Variants in ANKRD36B observed in about 807,000 individuals in gnomAD.
ANKRD36B encodes ankyrin repeat domain-containing protein 36B.
Under a neutral mutation model 135.7 loss-of-function variants are expected in ANKRD36B, and 37 were observed. That is an observed-to-expected ratio of 0.27 (90% CI 0.21 to 0.36). The LOEUF (loss-of-function observed/expected upper bound fraction) is 0.36, where lower values mean the gene tolerates loss of function less well. Ranked by LOEUF, ANKRD36B falls within the 10% of genes least tolerant of loss-of-function variation. The pLI is 1.00. For synonymous variants in ANKRD36B, 179 were observed against 348.1 expected, an observed-to-expected ratio of 0.51 and a Z score of 5.41; for missense variants, 549 against 1,037.1, an observed-to-expected ratio of 0.53 and a Z score of 6.46.
intron 26 of ANKRD36B, among the ~76,000 whole-genome samples, chr2:97,542,891 T>TTCATTGAAA (rs2079213200): frequency 7.4e-6 from 1 of 135,930 alleles, no homozygotes; most frequent in Non-Finnish European, 1.7e-5. Context: ...ATCACTCCAA[T>TTCATTGAAA]ATTCATTGAA....
chr2:97,528,532 A>G (rs2104427471), intron 35 of ANKRD36B, among the ~76,000 whole-genome samples: 1 of 92,400 alleles, frequency 1.1e-5, no homozygotes, highest in Admixed American at 9.6e-5. Flanking sequence ...AAGCTAGCAG[A>G]AGGCAAGAAA....
In ANKRD36B at chr2:97,574,344, A is replaced by T. The variant is rs1240310570; in HGVS notation, c.763+2035T>A. ...CAAATCAAAACCACAGTGAGATACCATCTCACACCAGTTAGAATGGCAATC... is the reference window on the plus strand; with the variant it reads ...CAAATCAAAACCACAGTGAGATACCTTCTCACACCAGTTAGAATGGCAATC... On this transcript the variant is annotated intron_variant, in intron 6 of 43. Transcript: ENST00000359901. Among the ~76,000 whole-genome samples the T allele has an allele frequency of 2.0e-5, 3 of 152,210 alleles. No homozygotes were observed. The East Asian group carries it at 5.8e-4, about 29-fold the overall frequency.
In ANKRD36B at chr2:97,574,433, T is replaced by C. The variant is rs1041625202; in HGVS notation, c.763+1946A>G. ...TGGAGAAATAGGAACACTTTTACAC[T>C]GTTGGTGGGACTGTAAACTAGTTCA... is the stretch of plus-strand genomic sequence containing the variant. On this transcript the variant is annotated intron_variant, in intron 6 of 43. Transcript: ENST00000359901. 3.5e-4 allele frequency among the ~76,000 whole-genome samples: 54 copies of C among 152,302 alleles called. No individual in the cohort carries two copies. The Middle Eastern group carries it at 0.014, about 38-fold the overall frequency.
chr2:97,582,632 C>T (rs75487001), intron 3 of ANKRD36B, among the ~76,000 whole-genome samples: 1,627 of 152,272 alleles, frequency 0.011, 37 homozygotes, highest in African/African-American at 0.036. Flanking sequence ...AATTTGTAGA[C>T]GCAAACTAAA....
At chr2:97,554,932 T>G in intron 14 of ANKRD36B, 128 bp downstream of exon 14, 1 of 1,237,142 alleles carries the variant, frequency 8.1e-7, no homozygotes. Flanking sequence ...TTATTACAGA[T>G]GAAGAATCTC....
chr2:97,524,734 T>C (rs1331573976), intron 35 of ANKRD36B: 2 of 97,326 alleles, frequency 2.1e-5, no homozygotes, highest in Non-Finnish European at 5.5e-5. Flanking sequence ...AGTTTTGTAA[T>C]TTTCACAAAT....
At chr2:97,547,677 C>G (rs756257338) in intron 21 of ANKRD36B, 26 bp downstream of exon 21, 6 of 1,556,074 alleles carry the variant, frequency 3.9e-6, no homozygotes, top group Non-Finnish European at 5.2e-6. Flanking sequence ...TTTACTAGTT[C>G]ACAATATAAA....
At chr2:97,569,333 C>G (rs2081661319) in intron 6 of ANKRD36B, among the ~76,000 whole-genome samples, 1 of 152,084 alleles carries the variant, frequency 6.6e-6, no homozygotes, top group South Asian at 2.1e-4. Context: ...AAGATATCCA[C>G]TATGTTATCC....
At chr2:97,588,013 CTT>C (rs565160943) in intron 1 of ANKRD36B, among the ~76,000 whole-genome samples, 1 of 150,694 alleles carries the variant, frequency 6.6e-6, no homozygotes, top group Non-Finnish European at 1.5e-5. Flanking sequence ...CACATATTGT[CTT>C]TTGTTAATTT....
At chr2:97,528,321 T>C (rs2078339868) in intron 35 of ANKRD36B, among the ~76,000 whole-genome samples, 1 of 93,050 alleles carries the variant, frequency 1.1e-5, no homozygotes, top group South Asian at 2.5e-4. Flanking sequence ...CATAACGAAA[T>C]GAAGGCAGAA....
chr2:97,547,335 G>A lies in ANKRD36B; in HGVS notation c.1579+201C>T, dbSNP rs866845560. On this transcript the variant is annotated intron_variant, in intron 22 of 43. Coordinates refer to ENST00000359901, the MANE Select transcript of ANKRD36B (RefSeq NM_001393939.1). ...TTTCTTCTTCCCAATTTCAATGTGG[G>A]GAAGTGTATAACCTTACTGCGAAGA... is the stretch of plus-strand genomic sequence containing the variant. The A allele has an allele frequency of 2.1e-4, 125 of 589,328 alleles. No homozygotes were observed. In the African/African-American group the frequency reaches 2.2e-3, roughly 11 times the overall value. The allele number at this position is 589,328 out of a possible 1,614,324, so 36.5% of individuals were successfully genotyped here.
rs950878398 is a variant in ANKRD36B, at chr2:97,553,230, T to G, written c.1211A>C (p.Asp404Ala). 13 of 1,610,704 alleles carry G rather than the reference T, an allele frequency of 8.1e-6. No individual in the cohort carries two copies. The Admixed American group carries it at 1.0e-4, about 12-fold the overall frequency. ...TATATTAGAAACAGAACCTTCCTCG[T>G]CAGTTGTAGCCTGAATGGAATTTGA... ...QKQQALKATT[D>A]EEGSVSNIAT... The change falls in exon 16 of 44, where the codon GAC (aspartate) becomes GCC (alanine). Residue 404 changes from aspartate to alanine, a missense_variant. Transcript: ENST00000359901.
At chr2:97,585,725 G>C (rs918101969) in intron 1 of ANKRD36B, among the ~76,000 whole-genome samples, 11 of 152,160 alleles carry the variant, frequency 7.2e-5, no homozygotes, top group African/African-American at 2.4e-4. Context: ...GCTTACATAA[G>C]AATCTATGCA....
rs572760959 is a variant in ANKRD36B at position 97,513,339 on chromosome 2, C to G, written c.2646G>C (p.Lys882Asn). 12 of 1,558,124 alleles carry G rather than the reference C, an allele frequency of 7.7e-6. No individual in the cohort carries two copies. The East Asian group carries it at 2.8e-4, about 36-fold the overall frequency. ...SLRFAIQQEKKKRRNVEELHQ... is the reference protein window; with the variant it reads ...SLRFAIQQEKNKRRNVEELHQ... ...GCAACTCTTCAACATTTCTTCTTTTCTTTTTTTCTTGCTGTATGGCAAATC... is the reference window on the plus strand; with the variant it reads ...GCAACTCTTCAACATTTCTTCTTTTGTTTTTTTCTTGCTGTATGGCAAATC... Residue 882 changes from lysine to asparagine, a missense_variant, in exon 38 of 44, where the codon AAG (lysine) becomes AAC (asparagine). Coordinates refer to ENST00000359901, the MANE Select transcript of ANKRD36B (RefSeq NM_001393939.1).
At chr2:97,526,040 T>G (rs547756108) in intron 35 of ANKRD36B, among the ~76,000 whole-genome samples, 1 of 97,820 alleles carries the variant, frequency 1.0e-5, no homozygotes, top group South Asian at 2.3e-4. Context: ...CTGACAGCTT[T>G]GAAGACAGCA....
At chr2:97,561,939 C>T (rs961901554) in intron 6 of ANKRD36B, among the ~76,000 whole-genome samples, 3 of 151,872 alleles carry the variant, frequency 2.0e-5, no homozygotes, top group African/African-American at 7.2e-5. Context: ...TCCAGTAGTT[C>T]CTGGAGCAGC....
intron 12 of ANKRD36B, among the ~76,000 whole-genome samples, chr2:97,556,620 T>A (rs995615098): frequency 1.2e-4 from 18 of 151,858 alleles, no homozygotes; most frequent in African/African-American, 4.3e-4. Context: ...CTTCTCTTTC[T>A]CCTTCCCCTC....
rs542694289 is a variant in ANKRD36B at position 97,578,760 on chromosome 2, C to T, written c.695+146G>A. ...TTCTGGCTGATGAAGTTGCACAACT[C>T]TCGAAAACTTAAAAACTTGAAAATT... On this transcript the variant is annotated intron_variant, in intron 5 of 43. Transcript: ENST00000359901. 6.7e-5 allele frequency: 69 copies of T among 1,023,930 alleles called. No individual in the cohort carries two copies. In the Admixed American group the frequency reaches 2.1e-3, roughly 31 times the overall value. The allele number at this position is 1,023,930 out of a possible 1,614,324, so 63.4% of individuals were successfully genotyped here.
rs1336875958 is a variant in ANKRD36B, at chr2:97,547,879, C to T, written c.1478-148G>A. On this transcript the variant is annotated intron_variant, in intron 20 of 43. Transcript: ENST00000359901. ...TCTACTTTGTGTCTGGGGACTAGAA[C>T]ATGACAGAAATACGCTGAGAAAAGG... 3.2e-6 allele frequency: 4 copies of T among 1,249,548 alleles called. No homozygotes were observed. In the South Asian group the frequency reaches 4.1e-5, roughly 13 times the overall value. 77.4% of individuals were successfully genotyped at this position (1,249,548 alleles called of 1,614,324 possible). A position where few individuals can be genotyped will look rare whatever the true frequency, so the allele number is the denominator to read the frequency against.
Sources: gnomAD v4.1 joint callset for allele counts (sites outside exome capture counted in the v4.1 genomes callset) on GRCh38, gnomAD v4.1.1 for gene constraint, MANE v1.5 for transcripts, NCBI Gene and HGNC (gene_info 2026-07-23, HGNC 2026-07-21) for gene names.